Variants in RFX3 observed in about 807,000 individuals in gnomAD.
RFX3 encodes the protein transcription factor RFX3.
A neutral mutation model predicts 98.6 loss-of-function variants in RFX3; 14 were observed. The ratio of observed to expected loss-of-function variants is 0.14; its 90% CI spans 0.09 to 0.22. The LOEUF (loss-of-function observed/expected upper bound fraction) is 0.22, where lower values mean the gene tolerates loss of function less well. Among genes scored for constraint, RFX3 ranks in the 10% least tolerant of loss-of-function variants. The pLI is 1.00. For synonymous variants in RFX3, 383 were observed against 328.4 expected, an observed-to-expected ratio of 1.17 and a Z score of -1.80; for missense variants, 639 against 926.9, an observed-to-expected ratio of 0.69 and a Z score of 4.03.
chr9:3,483,201 C>G (rs532635628), intron 1 of RFX3, among the ~76,000 whole-genome samples: 5 of 152,192 alleles, frequency 3.3e-5, no homozygotes, highest in Admixed American at 2.0e-4. Flanking sequence ...GACCCCCAAA[C>G]AGAAGACTTT....
chr9:3,479,471 G>GA (rs1309450555), intron 1 of RFX3, among the ~76,000 whole-genome samples: 3 of 151,932 alleles, frequency 2.0e-5, no homozygotes, highest in Non-Finnish European at 4.4e-5. Flanking sequence ...AGAAACTTAT[G>GA]AAAAAAATCT....
chr9:3,320,248 T>G (rs1831104877), intron 4 of RFX3, among the ~76,000 whole-genome samples: 1 of 152,172 alleles, frequency 6.6e-6, no homozygotes, highest in African/African-American at 2.4e-5. Context: ...TCATGTATCC[T>G]TCCTAAAGAC....
intron 15 of RFX3, among the ~76,000 whole-genome samples, chr9:3,231,975 G>A (rs1358440994): frequency 6.6e-6 from 1 of 152,156 alleles, no homozygotes; most frequent in African/African-American, 2.4e-5. Context: ...GAAGGTTGCA[G>A]TGGGCTGAGA....
At chr9:3,469,720 C>A (rs1430543110) in intron 1 of RFX3, among the ~76,000 whole-genome samples, 1 of 151,410 alleles carries the variant, frequency 6.6e-6, no homozygotes, top group Non-Finnish European at 1.5e-5. Flanking sequence ...ACAAAATCAA[C>A]AATGAAAGAA....
At chr9:3,329,390 A>G (rs1303432634) in intron 4 of RFX3, among the ~76,000 whole-genome samples, 1 of 141,760 alleles carries the variant, frequency 7.1e-6, no homozygotes, top group Non-Finnish European at 1.5e-5. Context: ...CCTGGGCCAC[A>G]GAGTAAGACT....
intron 3 of RFX3, among the ~76,000 whole-genome samples, chr9:3,342,069 G>T (rs1833950007): frequency 6.6e-6 from 1 of 152,110 alleles, no homozygotes; most frequent in Non-Finnish European, 1.5e-5. Flanking sequence ...AAAATAATTA[G>T]ATGACTTCAA....
chr9:3,264,260 C>T (rs1169444603), intron 12 of RFX3, among the ~76,000 whole-genome samples: 1 of 152,028 alleles, frequency 6.6e-6, no homozygotes, highest in Non-Finnish European at 1.5e-5. Context: ...TTGTTATGTG[C>T]ACAATATAGA....
chr9:3,498,703 GA>G (rs1851285075), intron 1 of RFX3, among the ~76,000 whole-genome samples: 1 of 152,060 alleles, frequency 6.6e-6, no homozygotes, highest in Admixed American at 6.6e-5. Context: ...AGTTTTATAA[GA>G]AGGTTGCCCA....
At chr9:3,346,848 C>A in intron 2 of RFX3, 84 bp from the exon 3 acceptor site, 1 of 808,518 alleles carries the variant, frequency 1.2e-6, no homozygotes, top group East Asian at 2.5e-5. Flanking sequence ...AAAGGTTTAT[C>A]CGGTATTATT....
chr9:3,414,483 A>G (rs1201734900), intron 1 of RFX3, among the ~76,000 whole-genome samples: 1 of 150,658 alleles, frequency 6.6e-6, no homozygotes, highest in Non-Finnish European at 1.5e-5. Context: ...TACCACTAAC[A>G]TATATATATG....
At chr9:3,452,743 C>T (rs1440133851) in intron 1 of RFX3, among the ~76,000 whole-genome samples, 1 of 152,184 alleles carries the variant, frequency 6.6e-6, no homozygotes, top group Non-Finnish European at 1.5e-5. Context: ...TATGTGTATG[C>T]ATTAGCTATT....
At chr9:3,460,429 ATAT>A (rs1847581984) in intron 1 of RFX3, among the ~76,000 whole-genome samples, 2 of 152,056 alleles carry the variant, frequency 1.3e-5, no homozygotes, top group South Asian at 4.1e-4. Flanking sequence ...AATAGATTTA[ATAT>A]TATTTTTTAA....
intron 1 of RFX3, among the ~76,000 whole-genome samples, chr9:3,408,240 A>C (rs1370501999): frequency 6.6e-6 from 1 of 152,138 alleles, no homozygotes; most frequent in Admixed American, 6.5e-5. Context: ...ACTGCAATCA[A>C]GGGCAATAAC....
chr9:3,505,240 TTATA>T (rs1211501193), intron 1 of RFX3, among the ~76,000 whole-genome samples: 4 of 84,164 alleles, frequency 4.8e-5, no homozygotes, highest in Non-Finnish European at 7.5e-5. Flanking sequence ...GAATATATAT[TTATA>T]TATATATGAA....
chr9:3,233,955 T>G, intron 15 of RFX3, among the ~76,000 whole-genome samples: 1 of 152,218 alleles, frequency 6.6e-6, no homozygotes, highest in Admixed American at 6.5e-5. Flanking sequence ...ACTATCCCAG[T>G]ACTCTGAAAG....
chr9:3,340,295 A>G (rs1833721728), intron 3 of RFX3, among the ~76,000 whole-genome samples: 1 of 152,214 alleles, frequency 6.6e-6, no homozygotes, highest in African/African-American at 2.4e-5. Flanking sequence ...AAAACCATAA[A>G]AACCCTAGAA....
At chr9:3,364,257 CT>C (rs897219231) in intron 2 of RFX3, 50 of 153,962 alleles carry the variant, frequency 3.2e-4, no homozygotes, top group South Asian at 1.1e-3. Context: ...ACTAATTTCA[CT>C]TTTTTTTTTC....
chr9:3,382,393 C>G (rs1179717068), intron 2 of RFX3, among the ~76,000 whole-genome samples: 1 of 152,004 alleles, frequency 6.6e-6, no homozygotes, highest in Non-Finnish European at 1.5e-5. Flanking sequence ...GTGAGTTTAA[C>G]TTTTTTAAAA....
intron 4 of RFX3, among the ~76,000 whole-genome samples, chr9:3,309,619 CGTT>C (rs1266581505): frequency 6.6e-6 from 1 of 152,018 alleles, no homozygotes; most frequent in Non-Finnish European, 1.5e-5. Flanking sequence ...GTCCAATAAA[CGTT>C]GTGCTTGTGT....
Sources: gnomAD v4.1 joint callset for allele counts (sites outside exome capture counted in the v4.1 genomes callset) on GRCh38, gnomAD v4.1.1 for gene constraint, MANE v1.5 for transcripts, NCBI Gene and HGNC (gene_info 2026-07-23, HGNC 2026-07-21) for gene names.